The following MPO variants were observed in gnomAD, a reference collection of about 807,000 sequenced individuals.
MPO encodes the protein myeloperoxidase.
Under a neutral mutation model 69.4 loss-of-function variants are expected in MPO, and 57 were observed. The observed-to-expected ratio is 0.82, with a 90% CI of 0.66 to 1.02. MPO has a LOEUF of 1.02. Among genes scored for constraint, MPO ranks in the 50% least tolerant of loss-of-function variants. The pLI, the probability that MPO is intolerant of heterozygous loss-of-function variation, is 0.00. For missense variants in MPO, 971 were observed against 1,014.1 expected (o/e 0.96, Z 0.58); for synonymous variants, 426 against 417.1 (o/e 1.02, Z -0.26).
chr17:58,278,765 C>T (rs780287641), intron 6 of MPO: 157 of 599,068 alleles, frequency 2.6e-4, no homozygotes, highest in Non-Finnish European at 4.2e-4. Flanking sequence ...GAGGAACAAC[C>T]CTCTCTCCCT....
At chr17:58,280,564 C>A in intron 1 of MPO, 41 bp downstream of exon 1, 1 of 1,614,138 alleles carries the variant, frequency 6.2e-7, no homozygotes, top group Non-Finnish European at 8.5e-7. Flanking sequence ...GGAACACAAC[C>A]ACCCCAACAC....
At chr17:58,278,770 C>CT (rs1970472363) in intron 6 of MPO, 3 of 602,644 alleles carry the variant, frequency 5.0e-6, no homozygotes, top group Non-Finnish European at 8.8e-6. Flanking sequence ...ACAACCCTCT[C>CT]TCCCTTGGCC....
At chr17:58,278,178 C>T (rs763198498) in intron 6 of MPO, 33 bp from the exon 7 acceptor site, 13 of 1,597,538 alleles carry the variant, frequency 8.1e-6, no homozygotes, top group Non-Finnish European at 1.0e-5. Context: ...ACTGGCTCAC[C>T]GAGGGCAAGG....
At chr17:58,271,508 C>G in intron 11 of MPO, 147 bp downstream of exon 11, 2 of 828,752 alleles carry the variant, frequency 2.4e-6, no homozygotes, top group Non-Finnish European at 4.0e-6. Flanking sequence ...TAGGGGCACT[C>G]CAGGGCATCT....
chr17:58,276,665 A>G (rs1227020496), intron 7 of MPO, among the ~76,000 whole-genome samples: 2 of 152,178 alleles, frequency 1.3e-5, no homozygotes, highest in Non-Finnish European at 2.9e-5. Flanking sequence ...TAACTAGCCC[A>G]GAAGAGGTCG....
intron 6 of MPO, 185 bp downstream of exon 6, chr17:58,278,823 G>A: frequency 1.4e-6 from 1 of 738,792 alleles, no homozygotes; most frequent in East Asian, 2.7e-5. Context: ...GCTGCCAGCT[G>A]GCTGAGCCCA....
At position 58,271,753 on chromosome 17, in the gene MPO, C is replaced by T. The variant is rs1225241587; in HGVS notation, c.1932G>A (p.Met644Ile). The change falls in exon 11 of 12, where the codon ATG becomes ATA. Residue 644 changes from methionine (M) to isoleucine (I), a missense_variant. By Grantham distance (10) the Met-to-Ile change is conservative. Coordinates refer to ENST00000225275, the MANE Select transcript of MPO (RefSeq NM_000250.2). ...YGTPNNIDIW[M>I]GGVSEPLKRK... The stretch of plus-strand genomic sequence containing the variant: ...GCTTCAGAGGCTCGGACACGCCGCC[C>T]ATCCAGATGTCGATGTTGTTGGGCG... 8 of 1,613,878 alleles carry T rather than the reference C, an allele frequency of 5.0e-6. No individual in the cohort carries two copies. The highest frequency in any genetic ancestry group is 2.7e-5 in the African/African-American group (2 of 74,948).
At position 58,279,440 on chromosome 17, in the gene MPO, C is replaced by G; in HGVS notation, c.549-14G>C. 6.8e-6 allele frequency: 11 copies of G among 1,611,324 alleles called. No homozygotes were observed. Among genetic ancestry groups the G allele is most frequent in the Non-Finnish European group, 9.3e-6 (11 of 1,179,030 alleles). ...GTGGGGCTGCGTCTGCAGGGGAGGA[C>G]AGGGCGCTGACACCGGGAGGCTTGT... On this transcript the variant is annotated splice_polypyrimidine_tract_variant and intron_variant, in intron 4 of 11. Coordinates refer to ENST00000225275, the MANE Select transcript of MPO (RefSeq NM_000250.2).
At chr17:58,277,691 T>G in intron 7 of MPO, 136 bp downstream of exon 7, 1 of 1,273,500 alleles carries the variant, frequency 7.9e-7, no homozygotes, top group Non-Finnish European at 1.1e-6. Flanking sequence ...TGGATTAATA[T>G]CATGAAGTTG....
In MPO at chr17:58,272,926, C is replaced by G; in HGVS notation, c.1622-8G>C. On this transcript the variant is annotated splice_region_variant and splice_polypyrimidine_tract_variant and intron_variant, in intron 9 of 11. Transcript: ENST00000225275. Reference sequence around the variant, plus strand: ...GGATGGGGTCAATGCCACCTGGGGACCAGAGGAGCCAGGTCAGGGGAAGTA... The same window carrying G: ...GGATGGGGTCAATGCCACCTGGGGAGCAGAGGAGCCAGGTCAGGGGAAGTA... 1 of 1,613,858 alleles carries G rather than the reference C, an allele frequency of 6.2e-7. No individual in the cohort carries two copies.
At chr17:58,279,667 G>A in intron 3 of MPO, 21 bp from the exon 4 acceptor site, 1 of 1,614,056 alleles carries the variant, frequency 6.2e-7, no homozygotes, top group Non-Finnish European at 8.5e-7. Flanking sequence ...AAAGAACAAT[G>A]GGGGAGCTGA....
At position 58,275,431 on chromosome 17, in the gene MPO, G is replaced by A; in HGVS notation, c.1365+111C>T. ...TGTATTATAATCCTTACAGCCTCAT[G>A]GATGAAGAAGGCAAGGCTCAGGAGC... is the stretch of plus-strand genomic sequence containing the variant. On this transcript the variant is annotated intron_variant, in intron 8 of 11. Coordinates refer to ENST00000225275, the MANE Select transcript of MPO (RefSeq NM_000250.2). The surrounding 1 kb of genome is among the most constrained non-coding windows in gnomAD (Gnocchi z 4.1). 2 of 1,357,712 alleles carry A rather than the reference G, an allele frequency of 1.5e-6. No individual in the cohort carries two copies. Among genetic ancestry groups the A allele is most frequent in the Non-Finnish European group, 2.1e-6 (2 of 954,752 alleles). The allele number at this position is 1,357,712 out of a possible 1,614,324, so 84.1% of individuals were successfully genotyped here.
rs1305745247 is a variant in MPO at position 58,275,706 on chromosome 17, G to A, written c.1205-4C>T. The A allele has an allele frequency of 7.4e-6, 12 of 1,614,092 alleles. No individual in the cohort carries two copies. The highest frequency in any genetic ancestry group is 9.3e-6 in the Non-Finnish European group (11 of 1,179,996). On this transcript the variant is annotated splice_region_variant and splice_polypyrimidine_tract_variant and intron_variant, in intron 7 of 11. Transcript: ENST00000225275. This position sits in a 1 kb window ranked among gnomAD's most constrained non-coding sequence, Gnocchi z 4.1. ...ATCTCACTGGAACGGGTGTCCCCTT[G>A]GGGAGGCAAAAGCCACTGTCATTCT...
intron 11 of MPO, 148 bp from the exon 12 acceptor site, chr17:58,271,011 AG>A: frequency 1.3e-6 from 1 of 791,572 alleles, no homozygotes; most frequent in Non-Finnish European, 2.1e-6. Flanking sequence ...TGGGCAGCCC[AG>A]GGGCTTTCAC....
chr17:58,271,828 C>T lies in MPO; in HGVS notation c.1857G>A (p.Thr619=), dbSNP rs1449937696. The T allele has an allele frequency of 2.5e-6, 4 of 1,614,082 alleles. No homozygotes were observed. The highest frequency in any genetic ancestry group is 1.7e-5 in the Admixed American group (1 of 60,010). ...PQPETVGQLG[T]VLRNLKLARK... ...TCGCCAATTTCAGGTTCCTCAGCAC[C>T]GTGCCCAGCTGGCCCACAGTTTCAG... Residue 619 remains threonine (T), a synonymous_variant, in exon 11 of 12, where the codon ACG becomes ACA. Coordinates refer to ENST00000225275, the MANE Select transcript of MPO (RefSeq NM_000250.2).
At position 58,279,423 on chromosome 17, in the gene MPO, G is replaced by C. The variant is rs759993953; in HGVS notation, c.552C>G (p.Arg184=). 1 of 1,610,396 alleles carries C rather than the reference G, an allele frequency of 6.2e-7. No individual in the cohort carries two copies. The highest frequency in any genetic ancestry group is 8.5e-7 in the Non-Finnish European group (1 of 1,178,726). ...GGTTGGAGGCCCCCAGCGTGGGGCT[G>C]CGTCTGCAGGGGAGGACAGGGCGCT... ...RTITGMCNNR[R]SPTLGASNRA... The change falls in exon 5 of 12, where the codon CGC becomes CGG. Residue 184 remains arginine (R), a synonymous_variant. Coordinates refer to ENST00000225275, the MANE Select transcript of MPO (RefSeq NM_000250.2).
intron 6 of MPO, among the ~76,000 whole-genome samples, chr17:58,278,564 G>T (rs1393616635): frequency 6.6e-6 from 1 of 151,938 alleles, no homozygotes; most frequent in African/African-American, 2.4e-5. Context: ...TCCCAGCCCT[G>T]TCCCACGGCA....
At chr17:58,274,915 A>C (rs1970416835) in intron 8 of MPO, among the ~76,000 whole-genome samples, 1 of 151,868 alleles carries the variant, frequency 6.6e-6, no homozygotes, top group Non-Finnish European at 1.5e-5. Context: ...CCCAGGCTGG[A>C]GTGCAGCAGC....
At position 58,270,262 on chromosome 17, in the gene MPO, T is replaced by C. The variant is rs928854798; in HGVS notation, c.*394A>G. 1 of 316,592 alleles carries C rather than the reference T, an allele frequency of 3.2e-6. No individual in the cohort carries two copies. Among genetic ancestry groups the C allele is most frequent in the East Asian group, 8.2e-5 (1 of 12,254 alleles). 19.6% of individuals were successfully genotyped at this position (316,592 alleles called of 1,614,324 possible). A position where few individuals can be genotyped will look rare whatever the true frequency, so the allele number is the denominator to read the frequency against. The stretch of plus-strand genomic sequence containing the variant: ...TGTAATTTACAAGGAAGAAAACTCT[T>C]GTTTAAGGAGGGTAATTTGCTCAAG... On this transcript the variant is annotated 3_prime_UTR_variant, in exon 12 of 12. Transcript: ENST00000225275. The surrounding 1 kb of genome is among the most constrained non-coding windows in gnomAD (Gnocchi z 4.1).
Sources: gnomAD v4.1 joint callset for allele counts (sites outside exome capture counted in the v4.1 genomes callset) on GRCh38, gnomAD v4.1.1 for gene constraint, Gnocchi (gnomAD v3.1) non-coding constraint, MANE v1.5 for transcripts, NCBI Gene and HGNC (gene_info 2026-07-23, HGNC 2026-07-21) for gene names.